UGP2: variants seen among roughly 807,000 people sequenced by gnomAD.
UGP2 encodes UTP--glucose-1-phosphate uridylyltransferase.
Under a neutral mutation model 49.0 loss-of-function variants are expected in UGP2, and 40 were observed. The observed-to-expected ratio is 0.82, with a 90% CI of 0.63 to 1.06. The LOEUF is 1.06. Among genes scored for constraint, UGP2 ranks in the 50% least tolerant of loss-of-function variants. The pLI is 0.00. For missense variants in UGP2, 460 were observed against 603.5 expected, an observed-to-expected ratio of 0.76 and a Z score of 2.49; for synonymous variants, 225 against 213.0, an observed-to-expected ratio of 1.06 and a Z score of -0.49.
chr2:63,850,216 A>T (rs140208271), intron 1 of UGP2, among the ~76,000 whole-genome samples: 1,865 of 152,314 alleles, frequency 0.012, 17 homozygotes, highest in Non-Finnish European at 0.014. Context: ...TTTTTTAAGT[A>T]AAGCAATGCA....
intron 1 of UGP2, 170 bp downstream of exon 1, chr2:63,842,374 T>A: frequency 6.2e-7 from 1 of 1,600,184 alleles, no homozygotes; most frequent in South Asian, 1.1e-5. Flanking sequence ...GGGTTGACGT[T>A]CCAGACGCGT....
chr2:63,843,098 G>T lies in UGP2; in HGVS notation c.19+894G>T, dbSNP rs536033849. ...ACACTTATTATGCTTCCTGATAAAT[G>T]TAGGTGTACTTTTGGAAAAAAAAAG... On this transcript the variant is annotated intron_variant, in intron 1 of 9. Transcript: ENST00000337130. 3.3e-5 allele frequency among the ~76,000 whole-genome samples: 5 copies of T among 152,272 alleles called. No individual in the cohort carries two copies. In the South Asian group the frequency reaches 1.0e-3, roughly 32 times the overall value.
intron 3 of UGP2, chr2:63,859,234 A>G (rs1487783186): frequency 1.3e-5 from 2 of 151,924 alleles, no homozygotes; most frequent in Admixed American, 6.6e-5. Context: ...GGCTCGAGCA[A>G]TCTACCTGCC....
Position 63,855,308 on chromosome 2 carries a change from T to TA in UGP2, c.20-997dup, listed in dbSNP as rs1669315497. 8.1e-6 allele frequency: 3 copies of TA among 368,654 alleles called. No individual in the cohort carries two copies. In the Admixed American group the frequency reaches 1.1e-4, roughly 14 times the overall value. 22.8% of individuals were successfully genotyped at this position (368,654 alleles called of 1,614,324 possible). A position where few individuals can be genotyped will look rare whatever the true frequency, so the allele number is the denominator to read the frequency against. Reference sequence around the variant, plus strand: ...ACAGGCATTTGTAAAAATAACTAGTTATCAAACTATTTGAATAGAAACTTT... The same window carrying TA: ...ACAGGCATTTGTAAAAATAACTAGTTAATCAAACTATTTGAATAGAAACTTT... On this transcript the variant is annotated intron_variant, in intron 1 of 9. Transcript: ENST00000337130.
intron 3 of UGP2, among the ~76,000 whole-genome samples, chr2:63,882,180 A>G (rs1671362850): frequency 6.6e-6 from 1 of 152,198 alleles, no homozygotes; most frequent in African/African-American, 2.4e-5. Context: ...AGAGATCTGG[A>G]TGTTCTTAAC....
chr2:63,851,146 A>G (rs1269772075), intron 1 of UGP2, among the ~76,000 whole-genome samples: 1 of 152,222 alleles, frequency 6.6e-6, no homozygotes, highest in African/African-American at 2.4e-5. Flanking sequence ...GTAATATTTA[A>G]ACTGAACTCT....
chr2:63,880,638 C>A (rs953142118), intron 3 of UGP2, among the ~76,000 whole-genome samples: 2 of 152,170 alleles, frequency 1.3e-5, no homozygotes, highest in African/African-American at 4.8e-5. Flanking sequence ...AAATGCTGAA[C>A]AAATGATGGT....
chr2:63,847,637 T>G (rs1672022091), intron 1 of UGP2, among the ~76,000 whole-genome samples: 1 of 151,824 alleles, frequency 6.6e-6, no homozygotes, highest in African/African-American at 2.4e-5. Context: ...TCAAAGGGGG[T>G]TTGTTCTCTG....
At chr2:63,856,179 C>T in intron 1 of UGP2, 127 bp from the exon 2 acceptor site, 1 of 1,185,190 alleles carries the variant, frequency 8.4e-7, no homozygotes, top group East Asian at 2.4e-5. Flanking sequence ...ATTACTGCCA[C>T]AGGATAAAGG....
chr2:63,842,632 A>G (rs1671646837), intron 1 of UGP2: 8 of 1,427,332 alleles, frequency 5.6e-6, no homozygotes, highest in Non-Finnish European at 7.3e-6. Flanking sequence ...GGGAAGCTTT[A>G]GTGTTCTCCG....
chr2:63,859,212 C>T (rs1163804658), intron 3 of UGP2: 1 of 151,916 alleles, frequency 6.6e-6, no homozygotes, highest in Non-Finnish European at 1.5e-5. Flanking sequence ...CCAGGCTGGT[C>T]TCAAACGTCT....
intron 3 of UGP2, among the ~76,000 whole-genome samples, chr2:63,880,442 G>A (rs994090116): frequency 1.3e-5 from 2 of 152,102 alleles, no homozygotes; most frequent in African/African-American, 4.8e-5. Context: ...TTAGAGGTGT[G>A]AGCCACCGCA....
intron 3 of UGP2, among the ~76,000 whole-genome samples, chr2:63,870,492 T>C (rs535269498): frequency 2.5e-4 from 38 of 152,258 alleles, no homozygotes; most frequent in Non-Finnish European, 5.1e-4. Context: ...AGGTTTTCTT[T>C]CATCAAACTT....
Position 63,887,419 on chromosome 2 carries a change from G to GA in UGP2, c.1091dup (p.Asn364LysfsTer17), listed in dbSNP as rs747604882. 27 of 1,613,886 alleles carry GA rather than the reference G, an allele frequency of 1.7e-5. No individual in the cohort carries two copies. Among genetic ancestry groups the GA allele is most frequent in the Admixed American group, 8.3e-5 (5 of 59,980 alleles). Reference sequence around the variant, plus strand: ...TCTTACAGACTTTGGATGGAGGCCTGAATGTCATTCAATTAGAAACTGCAG... The same window carrying GA: ...TCTTACAGACTTTGGATGGAGGCCTGAAATGTCATTCAATTAGAAACTGCAG... On this transcript the variant is annotated frameshift_variant, in exon 8 of 10. Coordinates refer to ENST00000337130, the MANE Select transcript of UGP2 (RefSeq NM_006759.4). LOFTEE classifies it high-confidence loss of function.
intron 7 of UGP2, 89 bp downstream of exon 7, chr2:63,886,627 C>A: frequency 7.1e-7 from 1 of 1,404,452 alleles, no homozygotes; most frequent in Non-Finnish European, 9.7e-7. Context: ...CCCTCTGTCC[C>A]ATCTATTCCA....
intron 1 of UGP2, among the ~76,000 whole-genome samples, chr2:63,847,169 T>G (rs1455951429): frequency 6.6e-6 from 1 of 152,202 alleles, no homozygotes; most frequent in Admixed American, 6.5e-5. Flanking sequence ...ACTGGTACTC[T>G]TTTTGGGAGT....
chr2:63,860,026 T>C (rs1669724998), intron 3 of UGP2, among the ~76,000 whole-genome samples: 1 of 152,226 alleles, frequency 6.6e-6, no homozygotes, highest in Non-Finnish European at 1.5e-5. Context: ...AGCCTCCTCG[T>C]CCTACTCTTC....
chr2:63,850,390 G>C (rs1668970906), intron 1 of UGP2, among the ~76,000 whole-genome samples: 1 of 152,126 alleles, frequency 6.6e-6, no homozygotes, highest in Non-Finnish European at 1.5e-5. Context: ...TGTAGTCATA[G>C]TTGACAGTCT....
At chr2:63,842,829 C>T (rs1205594519) in intron 1 of UGP2, among the ~76,000 whole-genome samples, 2 of 152,166 alleles carry the variant, frequency 1.3e-5, no homozygotes, top group Admixed American at 6.5e-5. Flanking sequence ...GAAAACTGCT[C>T]TCTAAATTCC....
Sources: gnomAD v4.1 joint callset for allele counts (sites outside exome capture counted in the v4.1 genomes callset) on GRCh38, gnomAD v4.1.1 for gene constraint, MANE v1.5 for transcripts, NCBI Gene and HGNC (gene_info 2026-07-23, HGNC 2026-07-21) for gene names.